ZBTB7C: variants seen among roughly 807,000 people sequenced by gnomAD.
ZBTB7C encodes the protein zinc finger and BTB domain containing 7C.
In ZBTB7C, 8 loss-of-function variants were observed where a neutral mutation model predicts 25.7. The ratio of observed to expected loss-of-function variants is 0.31; its 90% CI spans 0.18 to 0.56. The LOEUF is 0.56. Among genes scored for constraint, ZBTB7C ranks in the 20% least tolerant of loss-of-function variants. ZBTB7C has a pLI of 0.91. For synonymous variants in ZBTB7C, 394 were observed against 369.0 expected, an observed-to-expected ratio of 1.07 and a Z score of -0.78; for missense variants, 824 against 855.2, an observed-to-expected ratio of 0.96 and a Z score of 0.46.
intron 2 of ZBTB7C, among the ~76,000 whole-genome samples, chr18:48,229,168 C>A (rs1487387963): frequency 6.6e-6 from 1 of 152,094 alleles, no homozygotes; most frequent in Non-Finnish European, 1.5e-5. Flanking sequence ...TGCCCCAGAC[C>A]CCGACATTCT....
At chr18:48,084,506 G>C (rs2144507753) in intron 3 of ZBTB7C, among the ~76,000 whole-genome samples, 1 of 152,324 alleles carries the variant, frequency 6.6e-6, no homozygotes, top group South Asian at 2.1e-4. Context: ...ACTCCACTGG[G>C]CATGTCTGCA....
chr18:48,170,613 G>A (rs1187223373), intron 3 of ZBTB7C, among the ~76,000 whole-genome samples: 3 of 152,170 alleles, frequency 2.0e-5, no homozygotes, highest in Non-Finnish European at 4.4e-5. Context: ...CCCTCCCACT[G>A]GTCCTCAGAC....
intron 1 of ZBTB7C, among the ~76,000 whole-genome samples, chr18:48,364,739 G>A (rs1489493905): frequency 1.3e-5 from 2 of 152,122 alleles, no homozygotes; most frequent in Admixed American, 6.5e-5. Flanking sequence ...TCCATTTCTT[G>A]TATATCCTTC....
intron 1 of ZBTB7C, among the ~76,000 whole-genome samples, chr18:48,368,109 C>T (rs1165003807): frequency 6.6e-6 from 1 of 151,822 alleles, no homozygotes; most frequent in African/African-American, 2.4e-5. Context: ...CAGAGGCAAC[C>T]AATAGATGCC....
intron 2 of ZBTB7C, among the ~76,000 whole-genome samples, chr18:48,262,738 T>G (rs1391932130): frequency 6.6e-6 from 1 of 152,134 alleles, no homozygotes; most frequent in Non-Finnish European, 1.5e-5. Flanking sequence ...TGCATGTCCG[T>G]GTCACTCCAT....
chr18:48,204,498 T>C (rs1365680001), intron 2 of ZBTB7C, among the ~76,000 whole-genome samples: 1 of 152,120 alleles, frequency 6.6e-6, no homozygotes, highest in Non-Finnish European at 1.5e-5. Flanking sequence ...AAGGTACAGG[T>C]TGGAAAGCCT....
At chr18:48,112,589 C>T (rs575944972) in intron 3 of ZBTB7C, among the ~76,000 whole-genome samples, 11 of 152,228 alleles carry the variant, frequency 7.2e-5, no homozygotes, top group Admixed American at 1.3e-4. Context: ...CTCTTGAACT[C>T]TTGAACGACT....
chr18:48,258,778 C>T (rs546651009), intron 2 of ZBTB7C, among the ~76,000 whole-genome samples: 1 of 151,828 alleles, frequency 6.6e-6, no homozygotes, highest in Non-Finnish European at 1.5e-5. Context: ...CCTGCCTCAG[C>T]CTCCTGAGTA....
At chr18:48,262,364 TAC>T (rs2044196214) in intron 2 of ZBTB7C, among the ~76,000 whole-genome samples, 1 of 152,098 alleles carries the variant, frequency 6.6e-6, no homozygotes, top group Admixed American at 6.5e-5. Flanking sequence ...CTTGACCACT[TAC>T]AGAGTCCACA....
At chr18:48,327,371 C>A (rs913160969) in intron 2 of ZBTB7C, among the ~76,000 whole-genome samples, 9 of 152,328 alleles carry the variant, frequency 5.9e-5, no homozygotes, top group Admixed American at 1.3e-4. Context: ...CCCACCAGCA[C>A]ACTTGATTCA....
intron 1 of ZBTB7C, among the ~76,000 whole-genome samples, chr18:48,365,238 A>G (rs1430732183): frequency 6.6e-6 from 1 of 152,080 alleles, no homozygotes; most frequent in Non-Finnish European, 1.5e-5. Context: ...TCATTATTTC[A>G]CTCATGTGGA....
At chr18:48,281,157 A>AT (rs959282194) in intron 2 of ZBTB7C, among the ~76,000 whole-genome samples, 22 of 151,398 alleles carry the variant, frequency 1.5e-4, no homozygotes, top group East Asian at 9.7e-4. Context: ...TCTGGCTGTA[A>AT]TTTTTTTTTA....
chr18:48,061,097 A>G (rs2037109884), intron 3 of ZBTB7C, among the ~76,000 whole-genome samples: 1 of 152,216 alleles, frequency 6.6e-6, no homozygotes, highest in Admixed American at 6.5e-5. Flanking sequence ...TGAGCAAGGC[A>G]GGAGGTGAGG....
chr18:48,392,027 C>G (rs778663349), intron 1 of ZBTB7C, among the ~76,000 whole-genome samples: 15 of 152,220 alleles, frequency 9.9e-5, no homozygotes, highest in Non-Finnish European at 1.5e-4. Flanking sequence ...TCTCCTCTCT[C>G]TGGCACTCAG....
rs888834873 is a variant in ZBTB7C at position 48,363,151 on chromosome 18, A to C, written c.-303-24753T>G. On this transcript the variant is annotated intron_variant, in intron 1 of 4. Coordinates refer to ENST00000590800, the MANE Select transcript of ZBTB7C (RefSeq NM_001318841.2). ...CTTAGAACGCACCTGAAAGATACTG[A>C]GGCTCACTAAGGCTAGTGCTATTGC... 5.9e-5 allele frequency among the ~76,000 whole-genome samples: 9 copies of C among 152,298 alleles called. No individual in the cohort carries two copies. The South Asian group carries it at 8.3e-4, about 14-fold the overall frequency.
chr18:48,050,399 C>T (rs570512095), intron 3 of ZBTB7C, among the ~76,000 whole-genome samples: 5 of 152,300 alleles, frequency 3.3e-5, no homozygotes, highest in Admixed American at 6.5e-5. Context: ...CTGCCCGCCA[C>T]GAGCACCCCA....
intron 3 of ZBTB7C, among the ~76,000 whole-genome samples, chr18:48,051,944 G>A (rs1026211188): frequency 5.9e-5 from 9 of 152,128 alleles, no homozygotes; most frequent in African/African-American, 2.2e-4. Context: ...GGGGAGACTT[G>A]TTTTCTTTTA....
At chr18:48,049,735 A>C (rs2036610215) in intron 3 of ZBTB7C, among the ~76,000 whole-genome samples, 1 of 152,154 alleles carries the variant, frequency 6.6e-6, no homozygotes, top group African/African-American at 2.4e-5. Context: ...CAGGGTGGGA[A>C]CTGGATTTCT....
chr18:48,232,521 G>A (rs550564806), intron 2 of ZBTB7C, among the ~76,000 whole-genome samples: 4 of 151,984 alleles, frequency 2.6e-5, no homozygotes, highest in Admixed American at 6.6e-5. Flanking sequence ...ACCACCATAT[G>A]ACCTCAGTTA....
Sources: gnomAD v4.1 joint callset for allele counts (sites outside exome capture counted in the v4.1 genomes callset) on GRCh38, gnomAD v4.1.1 for gene constraint, MANE v1.5 for transcripts, NCBI Gene and HGNC (gene_info 2026-07-23, HGNC 2026-07-21) for gene names.